The following TRPM3 variants were observed in gnomAD, a reference collection of about 807,000 sequenced individuals.
TRPM3 encodes long transient receptor potential channel 3.
TRPM3 carries 77 observed loss-of-function variants against 181.2 expected under a neutral mutation model. The observed-to-expected ratio is 0.42, with a 90% CI of 0.35 to 0.51. The LOEUF (loss-of-function observed/expected upper bound fraction) is 0.51, where lower values mean the gene tolerates loss of function less well. Ranked by LOEUF, TRPM3 falls within the 20% of genes least tolerant of loss-of-function variation. TRPM3 has a pLI of 0.01. For missense variants in TRPM3, 1,759 were observed against 2,196.7 expected, an observed-to-expected ratio of 0.80 and a Z score of 3.98; for synonymous variants, 745 against 796.4, an observed-to-expected ratio of 0.94 and a Z score of 1.09.
chr9:71,331,119 A>G (rs570765744), intron 1 of TRPM3, among the ~76,000 whole-genome samples: 2 of 152,072 alleles, frequency 1.3e-5, no homozygotes, highest in Admixed American at 1.3e-4. Flanking sequence ...ATATTAGTAA[A>G]TTATTGATTA....
chr9:70,642,724 C>T (rs899413086), intron 9 of TRPM3, among the ~76,000 whole-genome samples: 1 of 152,216 alleles, frequency 6.6e-6, no homozygotes, highest in African/African-American at 2.4e-5. Flanking sequence ...CTCTGAGATA[C>T]TGACGTTATA....
At chr9:71,439,463 T>C (rs887747601) in intron 1 of TRPM3, among the ~76,000 whole-genome samples, 1 of 152,192 alleles carries the variant, frequency 6.6e-6, no homozygotes, top group Non-Finnish European at 1.5e-5. Context: ...CATCTTCATT[T>C]TATCATGATG....
At chr9:70,814,358 A>G (rs2092468078) in intron 6 of TRPM3, among the ~76,000 whole-genome samples, 2 of 152,144 alleles carry the variant, frequency 1.3e-5, no homozygotes, top group African/African-American at 4.8e-5. Flanking sequence ...AAGGAGCACG[A>G]TGGACAATTT....
rs140997970 is a variant in TRPM3 at position 71,361,916 on chromosome 9, A to G, written c.183+84737T>C. 9.0e-4 allele frequency among the ~76,000 whole-genome samples: 137 copies of G among 152,238 alleles called. 3 individuals are homozygous for G. The highest frequency in any genetic ancestry group is 6.4e-3 in the East Asian group (33 of 5,180). ...CTTTTTTTTTTAAACCTGCAATCCA[A>G]TGGAAGCTAGTGTGTAAAAAGAGAT... On this transcript the variant is annotated intron_variant, in intron 1 of 24. Transcript: ENST00000357533.
At chr9:70,890,774 C>T (rs1006624340) in intron 1 of TRPM3, among the ~76,000 whole-genome samples, 3 of 151,848 alleles carry the variant, frequency 2.0e-5, no homozygotes, top group Admixed American at 6.6e-5. Context: ...AAATATGCTC[C>T]GTAAACAGGA....
intron 1 of TRPM3, among the ~76,000 whole-genome samples, chr9:71,032,627 A>C (rs980236063): frequency 2.0e-5 from 3 of 152,184 alleles, no homozygotes; most frequent in Admixed American, 6.5e-5. Flanking sequence ...ATAAACACAC[A>C]TCTAAGTTTT....
chr9:71,048,089 G>GTTA (rs1050966894), intron 1 of TRPM3, among the ~76,000 whole-genome samples: 18 of 152,164 alleles, frequency 1.2e-4, no homozygotes, highest in Non-Finnish European at 2.6e-4. Context: ...TGGTACAAAA[G>GTTA]TTATCACAGT....
intron 6 of TRPM3, among the ~76,000 whole-genome samples, chr9:70,797,219 C>T (rs1159328027): frequency 6.6e-6 from 1 of 152,152 alleles, no homozygotes; most frequent in Non-Finnish European, 1.5e-5. Context: ...GTAATTTTCT[C>T]CTCATCAACT....
At chr9:71,334,956 A>T (rs1180156541) in intron 1 of TRPM3, among the ~76,000 whole-genome samples, 1 of 152,106 alleles carries the variant, frequency 6.6e-6, no homozygotes, top group Non-Finnish European at 1.5e-5. Context: ...ATAAAGAATC[A>T]CTGAAGAGAA....
At chr9:70,767,841 T>C (rs904525075) in intron 7 of TRPM3, among the ~76,000 whole-genome samples, 3 of 152,086 alleles carry the variant, frequency 2.0e-5, no homozygotes, top group Non-Finnish European at 4.4e-5. Flanking sequence ...AAAATGAGGG[T>C]TCCAAGAGAG....
intron 1 of TRPM3, among the ~76,000 whole-genome samples, chr9:71,021,692 T>A (rs1293634152): frequency 1.3e-5 from 2 of 152,150 alleles, no homozygotes; most frequent in Non-Finnish European, 2.9e-5. Flanking sequence ...AGGTCAGATT[T>A]GGGGAAGCAG....
chr9:70,659,484 G>A, intron 9 of TRPM3, among the ~76,000 whole-genome samples: 1 of 152,032 alleles, frequency 6.6e-6, no homozygotes, highest in East Asian at 1.9e-4. Flanking sequence ...TTCCATTAAA[G>A]CCAATATAAA....
chr9:71,362,847 T>C (rs2092205840), intron 1 of TRPM3, among the ~76,000 whole-genome samples: 1 of 152,144 alleles, frequency 6.6e-6, no homozygotes, highest in South Asian at 2.1e-4. Flanking sequence ...GTACAAAACT[T>C]GTGAAGATAA....
chr9:71,234,593 G>A (rs955544647), intron 1 of TRPM3, among the ~76,000 whole-genome samples: 2 of 152,050 alleles, frequency 1.3e-5, no homozygotes, highest in Admixed American at 6.6e-5. Flanking sequence ...TTCTCTCGGC[G>A]TCTTCACAAG....
intron 3 of TRPM3, among the ~76,000 whole-genome samples, chr9:70,852,281 C>T (rs2095262134): frequency 6.6e-6 from 1 of 152,004 alleles, no homozygotes; most frequent in South Asian, 2.1e-4. Flanking sequence ...CATACTCCTC[C>T]CAACAACAGG....
intron 1 of TRPM3, among the ~76,000 whole-genome samples, chr9:71,296,881 C>A (rs1006400094): frequency 6.6e-6 from 1 of 151,782 alleles, no homozygotes; most frequent in Admixed American, 6.6e-5. Flanking sequence ...GCATCTACTA[C>A]TGCTGAAGGG....
intron 1 of TRPM3, among the ~76,000 whole-genome samples, chr9:71,338,194 G>GA (rs1263620919): frequency 6.6e-6 from 1 of 152,040 alleles, no homozygotes; most frequent in Non-Finnish European, 1.5e-5. Context: ...TTGTTTACTT[G>GA]AGGAATAAAA....
chr9:70,933,321 A>C lies in TRPM3; in HGVS notation c.178-68810T>G, dbSNP rs190007937. Among the ~76,000 whole-genome samples the C allele has an allele frequency of 3.2e-3, 481 of 152,330 alleles. 6 individuals carry two copies. The highest frequency in any genetic ancestry group is 0.011 in the African/African-American group (444 of 41,576). ...TTGGTGGGTATAGATGTGATTACCCAGACAGAGAGTAAAGGGTAAGAGGAG... is the reference window on the plus strand; with the variant it reads ...TTGGTGGGTATAGATGTGATTACCCCGACAGAGAGTAAAGGGTAAGAGGAG... On this transcript the variant is annotated intron_variant, in intron 1 of 25. Coordinates refer to ENST00000677713, the MANE Select transcript of TRPM3 (RefSeq NM_001366145.2).
Position 70,535,665 on chromosome 9 carries a change from A to G in TRPM3, c.*288T>C, listed in dbSNP as rs2041541723. The G allele has an allele frequency of 6.9e-7, 1 of 1,440,608 alleles. No homozygotes were observed. The highest frequency in any genetic ancestry group is 9.0e-7 in the Non-Finnish European group (1 of 1,105,156). 89.2% of individuals were successfully genotyped at this position (1,440,608 alleles called of 1,614,324 possible). A position where few individuals can be genotyped will look rare whatever the true frequency, so the allele number is the denominator to read the frequency against. ...CCTGCTCTCATGGCTTTCTGCTGTG[A>G]CTGCGGATACACATTCATCTCTAAC... is the stretch of plus-strand genomic sequence containing the variant. On this transcript the variant is annotated 3_prime_UTR_variant, in exon 26 of 26. Coordinates refer to ENST00000677713, the MANE Select transcript of TRPM3 (RefSeq NM_001366145.2).
Sources: gnomAD v4.1 joint callset for allele counts (sites outside exome capture counted in the v4.1 genomes callset) on GRCh38, gnomAD v4.1.1 for gene constraint, MANE v1.5 for transcripts, NCBI Gene and HGNC (gene_info 2026-07-23, HGNC 2026-07-21) for gene names.